The following HPGDS variants were observed in gnomAD, a reference collection of about 807,000 sequenced individuals.
HPGDS encodes GST class-sigma.
A neutral mutation model predicts 23.1 loss-of-function variants in HPGDS; 26 were observed. The observed-to-expected ratio is 1.13, with a 90% CI of 0.83 to 1.56. The LOEUF (loss-of-function observed/expected upper bound fraction) is 1.56. HPGDS is among the 40% of genes most tolerant of loss of function. The pLI is 0.00. For synonymous variants in HPGDS, 95 were observed against 77.9 expected, an observed-to-expected ratio of 1.22 and a Z score of -1.16; for missense variants, 268 against 236.4, an observed-to-expected ratio of 1.13 and a Z score of -0.88.
intron 3 of HPGDS, among the ~76,000 whole-genome samples, chr4:94,309,819 A>G (rs1246314812): frequency 1.3e-5 from 2 of 152,068 alleles, no homozygotes; most frequent in Non-Finnish European, 2.9e-5. Context: ...AATGATCGCC[A>G]TTCTAACTGG....
intron 3 of HPGDS, among the ~76,000 whole-genome samples, chr4:94,314,637 G>C (rs1756356292): frequency 1.3e-5 from 2 of 152,176 alleles, no homozygotes; most frequent in Admixed American, 1.3e-4. Flanking sequence ...CAAGCTGCAT[G>C]CTGGGTAAAC....
At chr4:94,340,311 C>CTTTTCTTTTTTT (rs1721126934) in intron 1 of HPGDS, among the ~76,000 whole-genome samples, 4 of 23,684 alleles carry the variant, frequency 1.7e-4, no homozygotes, top group Non-Finnish European at 3.5e-4. Flanking sequence ...CTTTCTTTCT[C>CTTTTCTTTTTTT]TTTTTTTTTT....
At chr4:94,302,301 TGAG>T in intron 4 of HPGDS, 57 bp from the exon 5 acceptor site, 1 of 1,196,286 alleles carries the variant, frequency 8.4e-7, no homozygotes. Context: ...TAACATGATC[TGAG>T]GAGGAAGTAG....
chr4:94,325,027 A>T (rs373981959), intron 2 of HPGDS, among the ~76,000 whole-genome samples: 1 of 152,190 alleles, frequency 6.6e-6, no homozygotes, highest in African/African-American at 2.4e-5. Context: ...CCTCAGCTGC[A>T]GGTCTGCTGG....
At chr4:94,303,793 G>C (rs183248678) in intron 4 of HPGDS, 2 of 152,024 alleles carry the variant, frequency 1.3e-5, no homozygotes, top group Non-Finnish European at 2.9e-5. Flanking sequence ...TTCTTCTAAC[G>C]TGCATTTCCA....
At chr4:94,336,201 G>A (rs146433069) in intron 1 of HPGDS, among the ~76,000 whole-genome samples, 5,359 of 101,268 alleles carry the variant, frequency 0.053, 323 homozygotes, top group African/African-American at 0.19. Context: ...GTGAGACGCC[G>A]TCTCAAAAAA....
chr4:94,305,264 C>A (rs940232655), intron 4 of HPGDS, among the ~76,000 whole-genome samples: 3 of 151,986 alleles, frequency 2.0e-5, no homozygotes, highest in Non-Finnish European at 4.4e-5. Flanking sequence ...CAGGATTCAA[C>A]CTGGCAGTTT....
chr4:94,321,942 A>G (rs564296866), intron 2 of HPGDS, among the ~76,000 whole-genome samples: 3,591 of 152,136 alleles, frequency 0.024, no homozygotes, highest in African/African-American at 0.071. Context: ...CATCCCATCA[A>G]TACCTAATTT....
intron 2 of HPGDS, among the ~76,000 whole-genome samples, chr4:94,321,603 A>C (rs1756510632): frequency 6.6e-6 from 1 of 152,114 alleles, no homozygotes; most frequent in African/African-American, 2.4e-5. Flanking sequence ...TGATTTTTGT[A>C]CATTGATTTT....
chr4:94,302,143 C>G lies in HPGDS; in HGVS notation c.435+3G>C. On this transcript the variant is annotated splice_donor_region_variant and intron_variant, in intron 5 of 5. Coordinates refer to ENST00000295256, the MANE Select transcript of HPGDS (RefSeq NM_014485.3). ...AATTTTTTAAGATATAAAACATACT[C>G]ACAGAGTTACCAATAAGCCATTCTC... The G allele has an allele frequency of 6.3e-7, 1 of 1,586,784 alleles. No individual in the cohort carries two copies. Among genetic ancestry groups the G allele is most frequent in the South Asian group, 1.1e-5 (1 of 90,276 alleles).
At chr4:94,309,050 C>CTTTTTTTTTTT (rs34427506) in intron 3 of HPGDS, among the ~76,000 whole-genome samples, 9 of 31,028 alleles carry the variant, frequency 2.9e-4, no homozygotes, top group Non-Finnish European at 4.7e-4. Context: ...GGTGTACTTG[C>CTTTTTTTTTTT]TTTTTTTTTT....
At chr4:94,310,805 A>C (rs1756251818) in intron 3 of HPGDS, among the ~76,000 whole-genome samples, 1 of 151,988 alleles carries the variant, frequency 6.6e-6, no homozygotes, top group African/African-American at 2.4e-5. Flanking sequence ...ATCCTCTTTT[A>C]TTTTGTTGAG....
chr4:94,311,750 T>C (rs548077095), intron 3 of HPGDS, among the ~76,000 whole-genome samples: 1 of 151,568 alleles, frequency 6.6e-6, no homozygotes, highest in African/African-American at 2.4e-5. Flanking sequence ...AGAATTCAGC[T>C]GTGAGTCCAT....
intron 2 of HPGDS, among the ~76,000 whole-genome samples, chr4:94,324,683 T>C (rs1033021025): frequency 2.6e-5 from 4 of 152,174 alleles, no homozygotes; most frequent in East Asian, 1.9e-4. Context: ...AGGTTTCAGC[T>C]TCCTTGTGAT....
chr4:94,323,960 G>C (rs1029757500), intron 2 of HPGDS, among the ~76,000 whole-genome samples: 1 of 152,098 alleles, frequency 6.6e-6, no homozygotes, highest in Non-Finnish European at 1.5e-5. Context: ...ACCTGGTATT[G>C]ACAAAATCTC....
rs138548226 is a variant in HPGDS at position 94,304,861 on chromosome 4, T to A, written c.337-2617A>T. ...GAATATTTTCCTCTGGGAGGTGGTCTCTGTTATGGAGCCTCAGCCACAGAA... is the reference window on the plus strand; with the variant it reads ...GAATATTTTCCTCTGGGAGGTGGTCACTGTTATGGAGCCTCAGCCACAGAA... On this transcript the variant is annotated intron_variant, in intron 4 of 5. Coordinates refer to ENST00000295256, the MANE Select transcript of HPGDS (RefSeq NM_014485.3). Among the ~76,000 whole-genome samples, 1,143 of 152,202 alleles carry A rather than the reference T, an allele frequency of 7.5e-3. 7 individuals are homozygous for A. Among genetic ancestry groups the A allele is most frequent in the African/African-American group, 0.026 (1,068 of 41,538 alleles).
intron 3 of HPGDS, among the ~76,000 whole-genome samples, chr4:94,315,631 T>G: frequency 6.6e-6 from 1 of 152,144 alleles, no homozygotes; most frequent in Admixed American, 6.5e-5. Flanking sequence ...CTGTATAAAT[T>G]TATTAAAAAT....
At chr4:94,304,950 G>C (rs1323286106) in intron 4 of HPGDS, among the ~76,000 whole-genome samples, 7 of 152,006 alleles carry the variant, frequency 4.6e-5, no homozygotes, top group Non-Finnish European at 8.8e-5. Flanking sequence ...CATTAGGGGG[G>C]TGTTTGGTAC....
intron 1 of HPGDS, among the ~76,000 whole-genome samples, chr4:94,339,482 A>G (rs1182476731): frequency 2.0e-5 from 3 of 152,216 alleles, no homozygotes; most frequent in Non-Finnish European, 4.4e-5. Context: ...TTGAAAAATA[A>G]CCTATACGGT....
Sources: allele counts gnomAD v4.1 joint callset (sites outside exome capture counted in the v4.1 genomes callset), GRCh38; gene constraint gnomAD v4.1.1; transcripts MANE v1.5; gene names NCBI Gene and HGNC (gene_info 2026-07-23, HGNC 2026-07-21).